The following GSE1 variants were observed in gnomAD, a reference collection of about 807,000 sequenced individuals.
GSE1 encodes the protein genetic suppressor element 1.
A neutral mutation model predicts 112.6 loss-of-function variants in GSE1; 32 were observed. That is an observed-to-expected ratio of 0.28 (90% CI 0.21 to 0.38). The LOEUF is 0.38. Ranked by LOEUF, GSE1 falls within the 10% of genes least tolerant of loss-of-function variation. The pLI is 1.00. For synonymous variants in GSE1, 1,115 were observed against 735.6 expected (o/e 1.52, Z -8.35); for missense variants, 2,348 against 1,699.2 (o/e 1.38, Z -6.71).
chr16:85,613,107 C>A, upstream of GSE1: 5 of 971,308 alleles, frequency 5.1e-6, no homozygotes, highest in Non-Finnish European at 6.9e-6. Context: ...GGTGCGCGCG[C>A]GCGCGCCTGT....
intron 2 of GSE1, among the ~76,000 whole-genome samples, chr16:85,361,573 C>T (rs1220397041): frequency 6.6e-6 from 1 of 152,254 alleles, no homozygotes; most frequent in Non-Finnish European, 1.5e-5. Context: ...GGGCAGGAGC[C>T]TTTACCAGCA....
intron 2 of GSE1, among the ~76,000 whole-genome samples, chr16:85,460,633 G>A (rs2049944407): frequency 6.6e-6 from 1 of 152,236 alleles, no homozygotes; most frequent in Non-Finnish European, 1.5e-5. Flanking sequence ...GCAAGAGCCG[G>A]CAGTGACCTC....
intron 1 of GSE1, among the ~76,000 whole-genome samples, chr16:85,251,231 T>C (rs998121835): frequency 6.6e-6 from 1 of 152,184 alleles, no homozygotes; most frequent in African/African-American, 2.4e-5. Flanking sequence ...TTCTTCCAGC[T>C]CTCAGAGGCC....
rs1010152567 is a variant in GSE1 at position 85,320,591 on chromosome 16, G to A, written c.2284-36872G>A. Among the ~76,000 whole-genome samples the A allele has an allele frequency of 5.3e-5, 8 of 152,186 alleles. No individual in the cohort carries two copies. The East Asian group carries it at 5.8e-4, about 11-fold the overall frequency. On this transcript the variant is annotated intron_variant, in intron 1 of 2. Transcript: ENST00000637419. ...ATTATAAGCGTGAGCCACCACGCCC[G>A]GCCTGTATCCTCTCTTCTTACAGAA...
intron 1 of GSE1, among the ~76,000 whole-genome samples, chr16:85,590,741 C>T (rs1276329036): frequency 2.0e-5 from 3 of 152,098 alleles, no homozygotes; most frequent in Non-Finnish European, 4.4e-5. Context: ...GTGGCGGGCC[C>T]TTTGTGGGAG....
intron 1 of GSE1, among the ~76,000 whole-genome samples, chr16:85,304,602 G>GGGC (rs1555557429): frequency 1.7e-4 from 5 of 29,570 alleles, no homozygotes; most frequent in Non-Finnish European, 4.2e-4. Context: ...AGCCGGGGGC[G>GGGC]GGGGGGTGGG....
chr16:85,332,893 C>T (rs911150054), intron 1 of GSE1, among the ~76,000 whole-genome samples: 1 of 152,080 alleles, frequency 6.6e-6, no homozygotes, highest in Non-Finnish European at 1.5e-5. Context: ...TGTCCCACCT[C>T]AGAACCCCCC....
At chr16:85,457,362 T>G (rs1275674816) in intron 2 of GSE1, among the ~76,000 whole-genome samples, 1 of 152,210 alleles carries the variant, frequency 6.6e-6, no homozygotes, top group Admixed American at 6.5e-5. Flanking sequence ...GGACCGCAGC[T>G]GTCAGCCTGG....
intron 1 of GSE1, among the ~76,000 whole-genome samples, chr16:85,575,036 C>A (rs538461984): frequency 6.6e-6 from 1 of 152,004 alleles, no homozygotes; most frequent in Non-Finnish European, 1.5e-5. Flanking sequence ...GAGCGGCTCC[C>A]CGCTCCCCCT....
rs555949864 is a variant in GSE1, at chr16:85,652,278, C to G, written c.427-2000C>G. ...GAGGCACGACAGGATGGCCAGGTCT[C>G]CCAAGGTCAGGTTGGCCCCTCGGCC... On this transcript the variant is annotated intron_variant, in intron 3 of 15. Coordinates refer to ENST00000253458, the MANE Select transcript of GSE1 (RefSeq NM_014615.5). Among the ~76,000 whole-genome samples the G allele has an allele frequency of 2.0e-5, 3 of 152,370 alleles. No homozygotes were observed. The East Asian group carries it at 5.8e-4, about 29-fold the overall frequency.
intron 1 of GSE1, among the ~76,000 whole-genome samples, chr16:85,312,670 T>A (rs2045886532): frequency 6.6e-6 from 1 of 151,608 alleles, no homozygotes; most frequent in African/African-American, 2.4e-5. Flanking sequence ...GGGATGCTAT[T>A]CACTACAGAA....
At chr16:85,439,158 T>C (rs7205694) in intron 2 of GSE1, among the ~76,000 whole-genome samples, 35,678 of 152,034 alleles carry the variant, frequency 0.23, 5,093 homozygotes, top group African/African-American at 0.41. Flanking sequence ...GGACGTGCCC[T>C]GCCTGCCCTG....
At position 85,675,423 on chromosome 16, in the gene GSE1, T is replaced by G. The variant is rs2053628975; in HGVS notation, c.*2884T>G. 1 of 152,240 alleles carries G rather than the reference T, an allele frequency of 6.6e-6. No individual in the cohort carries two copies. The highest frequency in any genetic ancestry group is 1.5e-5 in the Non-Finnish European group (1 of 68,038). 9.4% of individuals were successfully genotyped at this position (152,240 alleles called of 1,614,324 possible). Reference sequence around the variant, plus strand: ...ATGATAAAATATCATGTTCCTAATCTGTTGTCTCAGATAAGTGACCAAGAC... The same window carrying G: ...ATGATAAAATATCATGTTCCTAATCGGTTGTCTCAGATAAGTGACCAAGAC... On this transcript the variant is annotated 3_prime_UTR_variant, in exon 16 of 16. Transcript: ENST00000253458.
chr16:85,503,703 A>G (rs890435578), intron 2 of GSE1, among the ~76,000 whole-genome samples: 1 of 152,206 alleles, frequency 6.6e-6, no homozygotes, highest in Admixed American at 6.5e-5. Flanking sequence ...CCGAGGGAGA[A>G]AAAGGCAGTG....
intron 1 of GSE1, among the ~76,000 whole-genome samples, chr16:85,350,113 C>T (rs2046824129): frequency 6.6e-6 from 1 of 152,174 alleles, no homozygotes; most frequent in South Asian, 2.1e-4. Context: ...AAATGGGCTG[C>T]CGATGGCAGG....
chr16:85,370,995 G>A (rs552692950), intron 2 of GSE1, among the ~76,000 whole-genome samples: 12 of 152,202 alleles, frequency 7.9e-5, no homozygotes, highest in Non-Finnish European at 1.6e-4. Context: ...TGCGCCCGGC[G>A]GTGGCTGGCT....
At chr16:85,485,187 G>A (rs2050793915) in intron 2 of GSE1, among the ~76,000 whole-genome samples, 1 of 152,242 alleles carries the variant, frequency 6.6e-6, no homozygotes, top group Non-Finnish European at 1.5e-5. Flanking sequence ...GAAGTGGAGC[G>A]ACAGCCTGTG....
rs920354110 is a variant in GSE1, at chr16:85,673,450, TTTGTTTG to T, written c.*918_*924del. ...TTGTTTGTTTTTCCTGTTTGGGGGT[TTTGTTTG>T]TTGTTTTGGTTTTTTTTGGGCAAAA... is the stretch of plus-strand genomic sequence containing the variant. On this transcript the variant is annotated 3_prime_UTR_variant, in exon 16 of 16. Coordinates refer to ENST00000253458, the MANE Select transcript of GSE1 (RefSeq NM_014615.5). 1.3e-5 allele frequency: 2 copies of T among 152,098 alleles called. No individual in the cohort carries two copies. Among genetic ancestry groups the T allele is most frequent in the Admixed American group, 6.6e-5 (1 of 15,198 alleles). The allele number at this position is 152,098 out of a possible 1,614,324, so 9.4% of individuals were successfully genotyped here. A position where few individuals can be genotyped will look rare whatever the true frequency, so the allele number is the denominator to read the frequency against.
At chr16:85,669,459 C>T (rs186955969) in intron 14 of GSE1, among the ~76,000 whole-genome samples, 476 of 152,290 alleles carry the variant, frequency 3.1e-3, no homozygotes, top group African/African-American at 0.011. Context: ...TAAAAACAAA[C>T]GCCCATGTAG....
Sources: allele counts gnomAD v4.1 joint callset (sites outside exome capture counted in the v4.1 genomes callset), GRCh38; gene constraint gnomAD v4.1.1; transcripts MANE v1.5; gene names NCBI Gene and HGNC (gene_info 2026-07-23, HGNC 2026-07-21).